The following TG variants were observed in gnomAD, a reference collection of about 807,000 sequenced individuals.
TG encodes the protein thyroid hormones.
Under a neutral mutation model 324.7 loss-of-function variants are expected in TG, and 270 were observed. The observed-to-expected ratio is 0.83, with a 90% confidence interval of 0.75 to 0.92. The LOEUF (loss-of-function observed/expected upper bound fraction) is 0.92. Ranked by LOEUF, TG falls within the 40% of genes least tolerant of loss-of-function variation. The pLI, the probability that TG is intolerant of heterozygous loss-of-function variation, is 0.00. For synonymous variants in TG, 1,401 were observed against 1,327.0 expected, an observed-to-expected ratio of 1.06 and a Z score of -1.21; for missense variants, 3,591 against 3,456.4, an observed-to-expected ratio of 1.04 and a Z score of -0.98.
At chr8:132,975,551 A>G (rs886434024) in intron 34 of TG, among the ~76,000 whole-genome samples, 1 of 152,236 alleles carries the variant, frequency 6.6e-6, no homozygotes, top group Non-Finnish European at 1.5e-5. Flanking sequence ...GGAATTAAAC[A>G]TTCACAGAGG....
intron 26 of TG, among the ~76,000 whole-genome samples, chr8:132,942,530 TCAC>T (rs1824595881): frequency 6.6e-6 from 1 of 152,196 alleles, no homozygotes; most frequent in African/African-American, 2.4e-5. Context: ...CTCCAATTGA[TCAC>T]CATATATGTG....
chr8:132,946,888 G>A (rs554947773), intron 26 of TG, among the ~76,000 whole-genome samples: 20 of 152,298 alleles, frequency 1.3e-4, no homozygotes, highest in African/African-American at 4.6e-4. Flanking sequence ...ACTAGTTAAA[G>A]AGGAAAGCTG....
intron 41 of TG, among the ~76,000 whole-genome samples, chr8:133,077,559 A>T (rs1845086492): frequency 6.6e-6 from 1 of 152,186 alleles, no homozygotes; most frequent in Non-Finnish European, 1.5e-5. Flanking sequence ...GCTGTGCCAG[A>T]GCAGGGGGAT....
At chr8:133,113,368 AC>A (rs1333002795) in intron 43 of TG, 53 bp from the exon 44 acceptor site, 29 of 1,603,842 alleles carry the variant, frequency 1.8e-5, no homozygotes, top group Non-Finnish European at 6.0e-6. Flanking sequence ...AGGGACACTG[AC>A]TTGGACCTTT....
chr8:132,879,357 T>C (rs1035412226), intron 5 of TG, among the ~76,000 whole-genome samples: 10 of 152,302 alleles, frequency 6.6e-5, no homozygotes, highest in African/African-American at 2.2e-4. Flanking sequence ...TTGGGATTCT[T>C]GGCCCCTGGT....
At chr8:132,889,110 A>G (rs141934092) in intron 10 of TG, among the ~76,000 whole-genome samples, 39 of 152,338 alleles carry the variant, frequency 2.6e-4, no homozygotes, top group African/African-American at 9.1e-4. Flanking sequence ...ATTGAGGTCT[A>G]TACATTCAGC....
chr8:133,108,792 C>T (rs1416495144), intron 43 of TG, among the ~76,000 whole-genome samples: 5 of 152,226 alleles, frequency 3.3e-5, no homozygotes, highest in African/African-American at 9.6e-5. Flanking sequence ...TGGACACAAT[C>T]CCTGCCCCCT....
Position 132,873,234 on chromosome 8 carries a change from G to A in TG, c.638+13G>A, listed in dbSNP as rs997887802. On this transcript the variant is annotated intron_variant, in intron 5 of 47. Coordinates refer to ENST00000220616, the MANE Select transcript of TG (RefSeq NM_003235.5). ...ACAGCTACAACAGGTAAGGGGAGCA[G>A]GGGTGTGCCAGTCACTGGGCCATCA... 4 of 1,613,816 alleles carry A rather than the reference G, an allele frequency of 2.5e-6. No homozygotes were observed. The highest frequency in any genetic ancestry group is 2.2e-5 in the East Asian group (1 of 44,890).
At chr8:132,978,945 A>G (rs1338675698) in intron 34 of TG, among the ~76,000 whole-genome samples, 1 of 152,230 alleles carries the variant, frequency 6.6e-6, no homozygotes, top group Non-Finnish European at 1.5e-5. Flanking sequence ...GCCTGCAGCC[A>G]TGGGCCTTCT....
chr8:133,002,206 A>G, intron 35 of TG: 1 of 985,436 alleles, frequency 1.0e-6, no homozygotes, highest in Non-Finnish European at 1.2e-6. Flanking sequence ...CAATGGCCAG[A>G]GCAGAAGCTC....
At chr8:132,905,194 CTG>C (rs1307101989) in intron 16 of TG, among the ~76,000 whole-genome samples, 2 of 152,178 alleles carry the variant, frequency 1.3e-5, no homozygotes, top group Non-Finnish European at 2.9e-5. Flanking sequence ...GGTGAGGAAA[CTG>C]TCACAGAGAC....
intron 41 of TG, among the ~76,000 whole-genome samples, chr8:133,071,378 C>T (rs893825445): frequency 1.3e-5 from 2 of 152,192 alleles, no homozygotes; most frequent in Non-Finnish European, 2.9e-5. Flanking sequence ...GCCTGGCTCC[C>T]AGCTACCGTG....
At chr8:132,947,172 C>T (rs960467630) in intron 26 of TG, among the ~76,000 whole-genome samples, 12 of 152,154 alleles carry the variant, frequency 7.9e-5, no homozygotes, top group African/African-American at 2.4e-4. Flanking sequence ...TTCTGTGCCT[C>T]GGTTTCCCCA....
chr8:133,060,208 A>G (rs750018324), intron 41 of TG: 9 of 1,613,464 alleles, frequency 5.6e-6, no homozygotes, highest in South Asian at 1.1e-5. Flanking sequence ...AGCCTGTGGT[A>G]TAGGAGACAG....
intron 35 of TG, among the ~76,000 whole-genome samples, chr8:132,991,084 G>A (rs963927976): frequency 1.3e-5 from 2 of 151,830 alleles, no homozygotes; most frequent in African/African-American, 4.8e-5. Context: ...CTTTAAAATT[G>A]TTATGGCCTC....
chr8:133,106,575 G>C, intron 43 of TG: 1 of 468,530 alleles, frequency 2.1e-6, no homozygotes, highest in Non-Finnish European at 2.8e-6. Flanking sequence ...GGACCTCGCT[G>C]CTCCCCCTCA....
chr8:132,937,665 A>G (rs968866600), intron 25 of TG, among the ~76,000 whole-genome samples: 1 of 152,222 alleles, frequency 6.6e-6, no homozygotes, highest in African/African-American at 2.4e-5. Flanking sequence ...AAAAATCAAA[A>G]TAGAACAGTA....
At chr8:132,953,724 T>C (rs1826436795) in intron 27 of TG, among the ~76,000 whole-genome samples, 1 of 152,148 alleles carries the variant, frequency 6.6e-6, no homozygotes, top group Non-Finnish European at 1.5e-5. Flanking sequence ...TGGCTGAGAA[T>C]ATGAGATTTT....
chr8:132,977,650 A>T (rs1830333215), intron 34 of TG, among the ~76,000 whole-genome samples: 1 of 151,724 alleles, frequency 6.6e-6, no homozygotes, highest in Non-Finnish European at 1.5e-5. Context: ...GTGCAGGGAA[A>T]CTCCCATTTT....
Sources: gnomAD v4.1 joint callset for allele counts (sites outside exome capture counted in the v4.1 genomes callset) on GRCh38, gnomAD v4.1.1 for gene constraint, MANE v1.5 for transcripts, NCBI Gene and HGNC (gene_info 2026-07-23, HGNC 2026-07-21) for gene names.